Variants in HLA-F observed in about 807,000 individuals in gnomAD.
The protein encoded by HLA-F is HLA class I histocompatibility antigen, alpha chain F.
In HLA-F, 46 loss-of-function variants were observed where a neutral mutation model predicts 49.5. That is an observed-to-expected ratio of 0.93 (90% CI 0.73 to 1.19). The LOEUF (loss-of-function observed/expected upper bound fraction) is 1.19. Ranked by LOEUF, HLA-F falls within the 50% of genes most tolerant of loss-of-function variation. The pLI is 0.00. For missense variants in HLA-F, 496 were observed against 579.6 expected (o/e 0.86, Z 1.48); for synonymous variants, 203 against 233.5 (o/e 0.87, Z 1.19).
At chr6:29,725,357 A>G (rs529412485) in intron 4 of HLA-F, 51 bp downstream of exon 4, 1 of 1,609,796 alleles carries the variant, frequency 6.2e-7, no homozygotes, top group African/African-American at 1.3e-5. Context: ...GTCTTTTCTC[A>G]GGGAAAGCAG....
chr6:29,729,540 A>C (rs1002576153), downstream of HLA-F, among the ~76,000 whole-genome samples: 1 of 152,258 alleles, frequency 6.6e-6, no homozygotes, highest in African/African-American at 2.4e-5. Context: ...CAACCTATAA[A>C]TCTTTTAGAA....
chr6:29,731,227 G>GGATGGATAGATGGATA (rs1212859904), downstream of HLA-F, among the ~76,000 whole-genome samples: 106 of 131,344 alleles, frequency 8.1e-4, 1 homozygote, highest in African/African-American at 1.6e-3. Flanking sequence ...TAGAGTAGAT[G>GGATGGATAGATGGATA]GATACATAGA....
At chr6:29,726,545 T>C (rs1013353170) in intron 6 of HLA-F, 16 of 1,508,942 alleles carry the variant, frequency 1.1e-5, no homozygotes, top group African/African-American at 2.9e-5. Flanking sequence ...TATGTTTTTA[T>C]AGCATGCACG....
chr6:29,736,926 T>C (rs1437103606), intron 3 of HLA-F: 3 of 152,312 alleles, frequency 2.0e-5, no homozygotes, highest in Non-Finnish European at 2.9e-5. Flanking sequence ...TATTGGTATA[T>C]AACAAAAAGT....
At position 29,724,385 on chromosome 6, in the gene HLA-F, G is replaced by C; in HGVS notation, c.547G>C (p.Gly183Arg). ...YAEEFRTYLE[G>R]ECLELLRRYL... ...AGAGGAGTTCAGGACCTACCTGGAG[G>C]GCGAGTGCCTGGAGTTGCTCCGCAG... is the stretch of plus-strand genomic sequence containing the variant. The change falls in exon 3 of 7, where the codon GGC becomes CGC. Residue 183 changes from glycine to arginine, a missense_variant. By Grantham distance (125) the Gly-to-Arg change is moderately radical. Coordinates refer to ENST00000259951, the MANE Select transcript of HLA-F (RefSeq NM_001098479.2). The C allele has an allele frequency of 6.2e-7, 1 of 1,613,240 alleles. No individual in the cohort carries two copies. The highest frequency in any genetic ancestry group is 8.5e-7 in the Non-Finnish European group (1 of 1,180,028).
At chr6:29,723,571 T>A (rs755105818) in intron 1 of HLA-F, 44 bp downstream of exon 1, 2 of 1,597,294 alleles carry the variant, frequency 1.3e-6, no homozygotes, top group East Asian at 2.2e-5. Context: ...TGGGGAGGAG[T>A]GAGGGGCCCG....
rs376059707 is a variant in HLA-F at position 29,725,341 on chromosome 6, G to A, written c.886+35G>A. ...GAGATGGGTAAAGAGGGGAACGAGG[G>A]GTCATGTCTTTTCTCAGGGAAAGCA... On this transcript the variant is annotated intron_variant, in intron 4 of 6. Coordinates refer to ENST00000259951, the MANE Select transcript of HLA-F (RefSeq NM_001098479.2). The A allele has an allele frequency of 3.1e-6, 5 of 1,612,834 alleles. No homozygotes were observed. The African/African-American group carries it at 5.4e-5, about 17-fold the overall frequency.
At chr6:29,734,971 A>G (rs1200949206) in intron 3 of HLA-F, 2 of 152,212 alleles carry the variant, frequency 1.3e-5, no homozygotes, top group Non-Finnish European at 2.9e-5. Flanking sequence ...GAGATTCAGC[A>G]ATGTTGTAGC....
At chr6:29,724,534 T>A (rs1775785116) in intron 3 of HLA-F, 86 bp downstream of exon 3, 1 of 1,356,440 alleles carries the variant, frequency 7.4e-7, no homozygotes, top group South Asian at 1.3e-5. Context: ...GTGGACCCAA[T>A]GCTAGGATAT....
At position 29,723,743 on chromosome 6, in the gene HLA-F, C is replaced by T. The variant is rs771497766; in HGVS notation, c.150C>T (p.Asp50=). ...EPRYIAVEYV[D]DTQFLRFDSD... ...GCTACATCGCCGTGGAGTACGTAGA[C>T]GACACGCAATTCCTGCGGTTCGACA... is the stretch of plus-strand genomic sequence containing the variant. Residue 50 remains aspartate, a synonymous_variant, in exon 2 of 7, where the codon GAC becomes GAT. Transcript: ENST00000259951. 6.8e-6 allele frequency: 11 copies of T among 1,612,164 alleles called. No homozygotes were observed. Among genetic ancestry groups the T allele is most frequent in the Non-Finnish European group, 8.5e-6 (10 of 1,179,858 alleles).
chr6:29,730,122 T>A (rs1251042469), downstream of HLA-F, among the ~76,000 whole-genome samples: 1 of 152,208 alleles, frequency 6.6e-6, no homozygotes, highest in East Asian at 1.9e-4. Context: ...CTCATGCTCG[T>A]AGCAGCACTA....
At chr6:29,728,807 A>G (rs545738693), downstream of HLA-F, 1 of 152,260 alleles carries the variant, frequency 6.6e-6, no homozygotes, top group South Asian at 2.1e-4. Context: ...GGACAACTCA[A>G]TTTGGGACTG....
rs1304593765 is a variant in HLA-F at position 29,723,903 on chromosome 6, C to T, written c.310C>T (p.Arg104Cys). The T allele has an allele frequency of 1.3e-6, 2 of 1,592,650 alleles. No individual in the cohort carries two copies. Among genetic ancestry groups the T allele is most frequent in the Non-Finnish European group, 8.5e-7 (1 of 1,169,934 alleles). The change falls in exon 2 of 7, where the codon CGC (arginine) becomes TGC (cysteine). Residue 104 changes from arginine to cysteine, a missense_variant. Physicochemically the swap from Arg to Cys is radical, Grantham distance 180. Transcript: ENST00000259951. ...CCGAGTGGCCCTGAGGAACCTGCTCCGCCGCTACAACCAGAGCGAGGCTGG... is the reference window on the plus strand; with the variant it reads ...CCGAGTGGCCCTGAGGAACCTGCTCTGCCGCTACAACCAGAGCGAGGCTGG... The part of the protein sequence containing the change: ...TDRVALRNLL[R>C]RYNQSEAGSH...
intron 6 of HLA-F, chr6:29,726,557 A>T: frequency 6.9e-7 from 1 of 1,446,638 alleles, no homozygotes; most frequent in Non-Finnish European, 9.1e-7. Context: ...GCATGCACGT[A>T]AATGTGTGTG....
chr6:29,737,991 G>A (rs1777262697), intron 3 of HLA-F: 1 of 152,308 alleles, frequency 6.6e-6, no homozygotes, highest in Non-Finnish European at 1.5e-5. Context: ...GTTACAGTCA[G>A]AGCTTCTTCT....
At chr6:29,724,569 G>A (rs896987326) in intron 3 of HLA-F, 121 bp downstream of exon 3, 41 of 1,022,134 alleles carry the variant, frequency 4.0e-5, no homozygotes, top group Non-Finnish European at 5.4e-5. Context: ...TCCTGAGTAG[G>A]AAGAATCTTC....
At chr6:29,733,699 T>C (rs12663200) in intron 3 of HLA-F, among the ~76,000 whole-genome samples, 2,250 of 152,336 alleles carry the variant, frequency 0.015, 23 homozygotes, top group Admixed American at 0.032. Flanking sequence ...TCATTTGAAA[T>C]CCATAGGGCA....
At chr6:29,731,278 T>TAGATAGATAGATAGATAGAC (rs1554229368), downstream of HLA-F, among the ~76,000 whole-genome samples, 1 of 151,042 alleles carries the variant, frequency 6.6e-6, no homozygotes, top group Non-Finnish European at 1.5e-5. Flanking sequence ...GATAGATAGA[T>TAGATAGATAGATAGATAGAC]AGACAAGAGG....
Position 29,727,069 on chromosome 6 carries a change from C to T in HLA-F, c.1223C>T (p.Ala408Val). Residue 408 changes from alanine to valine, a missense_variant, in exon 7 of 7, where the codon GCC (alanine) becomes GTC (valine). By Grantham distance (64) the Ala-to-Val change is moderately conservative (BLOSUM62 0). Transcript: ENST00000259951. ...LWTSFNTAFL[A>V]LQSLRFGFGF... The stretch of plus-strand genomic sequence containing the variant: ...ACATCTTTCAACACTGCCTTCTTGG[C>T]CTTGCAAAGCCTTCGCTTTGGCTTC... The T allele has an allele frequency of 6.2e-7, 1 of 1,613,176 alleles. No individual in the cohort carries two copies. The highest frequency in any genetic ancestry group is 8.5e-7 in the Non-Finnish European group (1 of 1,180,010).
Sources: gnomAD v4.1 joint callset for allele counts (sites outside exome capture counted in the v4.1 genomes callset) on GRCh38, gnomAD v4.1.1 for gene constraint, MANE v1.5 for transcripts, NCBI Gene and HGNC (gene_info 2026-07-23, HGNC 2026-07-21) for gene names.